DOCK2: variants seen among roughly 807,000 people sequenced by gnomAD.
DOCK2 encodes dedicator of cytokinesis 2.
DOCK2 carries 87 observed loss-of-function variants against 248.9 expected under a neutral mutation model. That is an observed-to-expected ratio of 0.35 (90% CI 0.29 to 0.42). The LOEUF is 0.42. Ranked by LOEUF, DOCK2 falls within the 10% of genes least tolerant of loss-of-function variation. The pLI, the probability that DOCK2 is intolerant of heterozygous loss-of-function variation, is 1.00. For synonymous variants in DOCK2, 805 were observed against 821.6 expected (o/e 0.98, Z 0.35); for missense variants, 1,747 against 2,300.2 (o/e 0.76, Z 4.92).
intron 30 of DOCK2, among the ~76,000 whole-genome samples, chr5:170,004,391 A>T (rs1428663943): frequency 6.6e-6 from 1 of 152,162 alleles, no homozygotes; most frequent in East Asian, 1.9e-4. Context: ...ATGATATCTC[A>T]TAGTGGTTTT....
chr5:169,979,080 C>G (rs943730259), intron 27 of DOCK2, among the ~76,000 whole-genome samples: 1 of 152,066 alleles, frequency 6.6e-6, no homozygotes, highest in Non-Finnish European at 1.5e-5. Flanking sequence ...GTAAATATGT[C>G]GATTACAGAA....
Position 169,807,833 on chromosome 5 carries a change from C to CAAAAAAAAAAAAAAAAA in DOCK2, c.2703+4637_2703+4653dup, listed in dbSNP as rs61670398. Among the ~76,000 whole-genome samples the CAAAAAAAAAAAAAAAAA allele has an allele frequency of 9.3e-3, 225 of 24,228 alleles. 31 individuals carry two copies. Among genetic ancestry groups the CAAAAAAAAAAAAAAAAA allele is most frequent in the Non-Finnish European group, 0.019 (165 of 8,604 alleles). 15.9% of individuals were successfully genotyped at this position (24,228 alleles called of 152,430 possible). A position where few individuals can be genotyped will look rare whatever the true frequency, so the allele number is the denominator to read the frequency against. On this transcript the variant is annotated intron_variant, in intron 26 of 51. Transcript: ENST00000520908. ...TGGGAGACAGAGCAAGACTCTGTCTCAAAAAAAAAAAAAAAAAAAAAAAAA... is the reference window on the plus strand; with the variant it reads ...TGGGAGACAGAGCAAGACTCTGTCTCAAAAAAAAAAAAAAAAAAAAAAAAAAAAAAAAAAAAAAAAAA...
At position 169,883,733 on chromosome 5, in the gene DOCK2, C is replaced by T. The variant is rs200178689; in HGVS notation, c.2799+42881C>T. 3.8e-4 allele frequency: 594 copies of T among 1,551,550 alleles called. No individual in the cohort carries two copies. Among genetic ancestry groups the T allele is most frequent in the Non-Finnish European group, 4.9e-4 (562 of 1,146,924 alleles). Reference sequence around the variant, plus strand: ...ACAGCCGGGTCTTCTGGAGTTTGGACGTCAACCTCAGCTAGGCCAGTTGGA... The same window carrying T: ...ACAGCCGGGTCTTCTGGAGTTTGGATGTCAACCTCAGCTAGGCCAGTTGGA... On this transcript the variant is annotated intron_variant, in intron 27 of 51. Coordinates refer to ENST00000520908, the MANE Select transcript of DOCK2 (RefSeq NM_004946.3).
At chr5:169,818,916 T>C (rs1581236620) in intron 26 of DOCK2, among the ~76,000 whole-genome samples, 1 of 152,314 alleles carries the variant, frequency 6.6e-6, no homozygotes, top group South Asian at 2.1e-4. Context: ...GTCTTATGTT[T>C]CATCTTAATT....
intron 26 of DOCK2, among the ~76,000 whole-genome samples, chr5:169,821,936 A>G (rs1768473106): frequency 6.6e-6 from 1 of 152,228 alleles, no homozygotes; most frequent in African/African-American, 2.4e-5. Flanking sequence ...CAACCAAGCA[A>G]ATGGAAAACA....
Position 169,790,175 on chromosome 5 carries a change from G to C in DOCK2, c.2555-12883G>C, listed in dbSNP as rs74470617. ...ATTCTCTGAAATGAAGGGCCCCTCT[G>C]TTAGCCTTAAAATGTAAACAAGAGG... On this transcript the variant is annotated intron_variant, in intron 25 of 51. Coordinates refer to ENST00000520908, the MANE Select transcript of DOCK2 (RefSeq NM_004946.3). Among the ~76,000 whole-genome samples the C allele has an allele frequency of 3.9e-5, 6 of 152,192 alleles. No individual in the cohort carries two copies. In the East Asian group the frequency reaches 9.6e-4, roughly 24 times the overall value.
chr5:169,637,832 A>T (rs918499061), intron 1 of DOCK2, among the ~76,000 whole-genome samples: 1 of 152,132 alleles, frequency 6.6e-6, no homozygotes, highest in Non-Finnish European at 1.5e-5. Flanking sequence ...CCTGGGTCAG[A>T]TGACTCCTGA....
intron 40 of DOCK2, among the ~76,000 whole-genome samples, chr5:170,048,104 A>G (rs1433034734): frequency 6.6e-6 from 1 of 152,228 alleles, no homozygotes; most frequent in African/African-American, 2.4e-5. Context: ...GAAAATAACA[A>G]TAATGGTCCA....
intron 26 of DOCK2, among the ~76,000 whole-genome samples, chr5:169,836,501 G>A (rs1769590695): frequency 6.6e-6 from 1 of 152,216 alleles, no homozygotes. Flanking sequence ...TCCAAACAAA[G>A]TTATATTCCT....
chr5:170,079,863 C>G (rs993216107), intron 49 of DOCK2: 1 of 277,280 alleles, frequency 3.6e-6, no homozygotes, highest in South Asian at 9.1e-5. Flanking sequence ...GCAGGCTACT[C>G]TTGCGTGGAT....
At chr5:170,004,433 G>T (rs1754945444) in intron 30 of DOCK2, among the ~76,000 whole-genome samples, 1 of 152,148 alleles carries the variant, frequency 6.6e-6, no homozygotes, top group Non-Finnish European at 1.5e-5. Context: ...CAGTGATGAT[G>T]AGCATTTTTT....
chr5:169,853,004 T>C (rs1190183036), intron 27 of DOCK2, among the ~76,000 whole-genome samples: 1 of 152,144 alleles, frequency 6.6e-6, no homozygotes, highest in African/African-American at 2.4e-5. Flanking sequence ...TGAATTCCCA[T>C]GTGTTGTGGG....
At chr5:169,745,477 G>A (rs1763562460) in intron 22 of DOCK2, among the ~76,000 whole-genome samples, 1 of 152,150 alleles carries the variant, frequency 6.6e-6, no homozygotes, top group African/African-American at 2.4e-5. Flanking sequence ...TACTGTTATG[G>A]TTTACACTTT....
At chr5:169,777,251 G>A (rs529595983) in intron 25 of DOCK2, among the ~76,000 whole-genome samples, 1 of 152,312 alleles carries the variant, frequency 6.6e-6, no homozygotes, top group Admixed American at 6.5e-5. Flanking sequence ...TTGAGTTAAG[G>A]AGTTGGAGTA....
At chr5:170,039,832 A>G (rs913400267) in intron 36 of DOCK2, among the ~76,000 whole-genome samples, 3 of 152,222 alleles carry the variant, frequency 2.0e-5, no homozygotes, top group African/African-American at 7.2e-5. Flanking sequence ...TGCTGGCACC[A>G]TGGCAGGCAT....
intron 42 of DOCK2, 25 bp from the exon 43 acceptor site, chr5:170,056,659 G>A (rs1757142195): frequency 2.5e-6 from 4 of 1,609,736 alleles, no homozygotes; most frequent in Non-Finnish European, 2.6e-6. Flanking sequence ...GCTACCAGGA[G>A]CCTCAGCCTC....
intron 21 of DOCK2, 126 bp from the exon 22 acceptor site, chr5:169,718,531 C>G (rs2113557872): frequency 2.0e-6 from 2 of 978,940 alleles, no homozygotes; most frequent in Non-Finnish European, 2.8e-6. Flanking sequence ...TTTATGCTTA[C>G]AAATGAGTAA....
intron 27 of DOCK2, among the ~76,000 whole-genome samples, chr5:169,982,348 G>C (rs1156495417): frequency 2.0e-5 from 3 of 152,148 alleles, no homozygotes; most frequent in Non-Finnish European, 1.5e-5. Context: ...AGCAGAAAAG[G>C]CTATGCTGAT....
At chr5:169,979,774 A>G (rs1777875210) in intron 27 of DOCK2, among the ~76,000 whole-genome samples, 1 of 152,240 alleles carries the variant, frequency 6.6e-6, no homozygotes, top group African/African-American at 2.4e-5. Flanking sequence ...AGTGAGAACT[A>G]AGAAATTAAC....
Sources: gnomAD v4.1 joint callset for allele counts (sites outside exome capture counted in the v4.1 genomes callset) on GRCh38, gnomAD v4.1.1 for gene constraint, MANE v1.5 for transcripts, NCBI Gene and HGNC (gene_info 2026-07-23, HGNC 2026-07-21) for gene names.